Variants in KCNH7 observed in about 807,000 individuals in gnomAD.
KCNH7 encodes the protein potassium voltage-gated channel subfamily H member 7.
Under a neutral mutation model 120.8 loss-of-function variants are expected in KCNH7, and 49 were observed. The observed-to-expected ratio is 0.41, with a 90% CI of 0.32 to 0.51. KCNH7 has a LOEUF of 0.51. Ranked by LOEUF, KCNH7 falls within the 20% of genes least tolerant of loss-of-function variation. KCNH7 has a pLI of 0.38. For missense variants in KCNH7, 1,097 were observed against 1,446.6 expected, an observed-to-expected ratio of 0.76 and a Z score of 3.92; for synonymous variants, 547 against 516.1, an observed-to-expected ratio of 1.06 and a Z score of -0.81.
At chr2:162,592,660 A>T (rs1242712928) in intron 2 of KCNH7, among the ~76,000 whole-genome samples, 1 of 152,050 alleles carries the variant, frequency 6.6e-6, no homozygotes, top group Non-Finnish European at 1.5e-5. Flanking sequence ...GCCTTTGTTT[A>T]CTTACCAGAG....
Position 162,800,106 on chromosome 2 carries a change from G to A in KCNH7, c.307+36431C>T, listed in dbSNP as rs185194737. Among the ~76,000 whole-genome samples the A allele has an allele frequency of 8.6e-5, 13 of 151,610 alleles. No individual in the cohort carries two copies. The Middle Eastern group carries it at 0.01, about 120-fold the overall frequency. On this transcript the variant is annotated intron_variant, in intron 2 of 15. Coordinates refer to ENST00000332142, the MANE Select transcript of KCNH7 (RefSeq NM_033272.4). ...ACCACAACAAACAATGAGTATTCCAGGGGCAGATCATAGGGCATCCACTGA... is the reference window on the plus strand; with the variant it reads ...ACCACAACAAACAATGAGTATTCCAAGGGCAGATCATAGGGCATCCACTGA...
At chr2:162,589,169 G>A (rs1694118975) in intron 2 of KCNH7, among the ~76,000 whole-genome samples, 2 of 152,072 alleles carry the variant, frequency 1.3e-5, no homozygotes, top group Admixed American at 1.3e-4. Context: ...TGGCAATGTG[G>A]CCATGGCACT....
At chr2:162,530,130 T>A (rs535225348) in intron 3 of KCNH7, among the ~76,000 whole-genome samples, 12 of 152,038 alleles carry the variant, frequency 7.9e-5, no homozygotes, top group African/African-American at 2.9e-4. Context: ...GTATTTGTAC[T>A]GAGAAATGAT....
intron 2 of KCNH7, among the ~76,000 whole-genome samples, chr2:162,570,799 T>C (rs1342283355): frequency 2.6e-5 from 4 of 152,082 alleles, no homozygotes; most frequent in East Asian, 1.9e-4. Flanking sequence ...AAAAACCACA[T>C]GATTATCTCA....
chr2:162,569,449 T>A (rs1693384231), intron 2 of KCNH7, among the ~76,000 whole-genome samples: 1 of 148,110 alleles, frequency 6.8e-6, no homozygotes, highest in Non-Finnish European at 1.5e-5. Context: ...GCTAGCGGTC[T>A]ATCAATTTTG....
At chr2:162,427,285 C>T (rs1687896167) in intron 8 of KCNH7, among the ~76,000 whole-genome samples, 1 of 152,028 alleles carries the variant, frequency 6.6e-6, no homozygotes, top group Non-Finnish European at 1.5e-5. Flanking sequence ...TTATAAGAAA[C>T]TGCCAAACTG....
At chr2:162,800,386 T>G (rs1376422090) in intron 2 of KCNH7, among the ~76,000 whole-genome samples, 2 of 151,740 alleles carry the variant, frequency 1.3e-5, no homozygotes, top group Admixed American at 1.3e-4. Context: ...TTACTGAAAG[T>G]CTTGTACAAC....
chr2:162,379,752 T>G, intron 14 of KCNH7, 101 bp downstream of exon 14: 2 of 1,118,320 alleles, frequency 1.8e-6, no homozygotes, highest in Non-Finnish European at 2.6e-6. Flanking sequence ...ATAAGGAAAT[T>G]ATGAGATCAT....
intron 9 of KCNH7, among the ~76,000 whole-genome samples, chr2:162,418,459 C>T (rs1416842515): frequency 6.6e-6 from 1 of 152,100 alleles, no homozygotes; most frequent in African/African-American, 2.4e-5. Flanking sequence ...CGCTACTTTG[C>T]AAATTTTGCT....
intron 14 of KCNH7, among the ~76,000 whole-genome samples, chr2:162,379,363 G>A (rs1047252723): frequency 4.6e-5 from 7 of 152,140 alleles, no homozygotes; most frequent in African/African-American, 1.7e-4. Flanking sequence ...TTAGATCAAC[G>A]GTGAAGGAAA....
chr2:162,558,321 C>A (rs1220822714), intron 2 of KCNH7, among the ~76,000 whole-genome samples: 1 of 151,880 alleles, frequency 6.6e-6, no homozygotes, highest in African/African-American at 2.4e-5. Context: ...ACTACAGGTG[C>A]CCGCCACCAT....
chr2:162,608,182 C>T (rs1326339902), intron 2 of KCNH7, among the ~76,000 whole-genome samples: 1 of 152,180 alleles, frequency 6.6e-6, no homozygotes, highest in African/African-American at 2.4e-5. Context: ...TATCCACACA[C>T]AGGGCACAAC....
At chr2:162,375,794 C>A (rs1054049882) in intron 14 of KCNH7, among the ~76,000 whole-genome samples, 1 of 151,280 alleles carries the variant, frequency 6.6e-6, no homozygotes, top group Non-Finnish European at 1.5e-5. Flanking sequence ...CACCTGTGGT[C>A]CCGGCTACTC....
At chr2:162,437,701 A>G (rs1573957995) in intron 7 of KCNH7, among the ~76,000 whole-genome samples, 2 of 152,160 alleles carry the variant, frequency 1.3e-5, no homozygotes, top group Admixed American at 1.3e-4. Context: ...TACCCAATAA[A>G]CAGGAACTCT....
intron 2 of KCNH7, among the ~76,000 whole-genome samples, chr2:162,752,981 A>AAGAAAAGAAAAGAAAAG (rs1688643119): frequency 7.3e-6 from 1 of 137,078 alleles, no homozygotes; most frequent in Non-Finnish European, 1.5e-5. Flanking sequence ...AAGAAAAGAA[A>AAGAAAAGAAAAGAAAAG]AGAAAAGAAA....
At chr2:162,566,126 C>T (rs552756905) in intron 2 of KCNH7, among the ~76,000 whole-genome samples, 6 of 151,934 alleles carry the variant, frequency 3.9e-5, no homozygotes, top group Admixed American at 6.6e-5. Context: ...CCTAAGAGGC[C>T]GCTGCCTTTT....
At chr2:162,399,888 TA>T (rs1405793479) in intron 10 of KCNH7, among the ~76,000 whole-genome samples, 1 of 151,796 alleles carries the variant, frequency 6.6e-6, no homozygotes, top group African/African-American at 2.4e-5. Context: ...TCTTCTAACA[TA>T]AAAAAAGAAT....
rs71009361 is a variant in KCNH7, at chr2:162,513,358, TTTCC to T, written c.893-688_893-685del. Among the ~76,000 whole-genome samples the T allele has an allele frequency of 5.5e-3, 505 of 91,754 alleles. 2 individuals carry two copies. Among genetic ancestry groups the T allele is most frequent in the African/African-American group, 0.016 (375 of 23,072 alleles). 60.2% of individuals were successfully genotyped at this position (91,754 alleles called of 152,430 possible). A position where few individuals can be genotyped will look rare whatever the true frequency, so the allele number is the denominator to read the frequency against. On this transcript the variant is annotated intron_variant, in intron 4 of 15. Coordinates refer to ENST00000332142, the MANE Select transcript of KCNH7 (RefSeq NM_033272.4). ...CCTTCCTTCCCTCCTTCCCTCCTTC[TTTCC>T]TTCCTTCCTTCCTTCCTTCCTTCTC...
chr2:162,610,519 A>G (rs1228451426), intron 2 of KCNH7, among the ~76,000 whole-genome samples: 1 of 152,262 alleles, frequency 6.6e-6, no homozygotes, highest in Non-Finnish European at 1.5e-5. Flanking sequence ...TTCTGAAGAC[A>G]AAGATTCTGT....
Sources: gnomAD v4.1 joint callset for allele counts (sites outside exome capture counted in the v4.1 genomes callset) on GRCh38, gnomAD v4.1.1 for gene constraint, MANE v1.5 for transcripts, NCBI Gene and HGNC (gene_info 2026-07-23, HGNC 2026-07-21) for gene names.